The following MERTK variants were observed in gnomAD, a reference collection of about 807,000 sequenced individuals.
MERTK encodes MER proto-oncogene, tyrosine kinase, also known as tyrosine-protein kinase Mer.
In MERTK, 69 loss-of-function variants were observed where a neutral mutation model predicts 99.3. That is an observed-to-expected ratio of 0.70 (90% CI 0.57 to 0.85). The LOEUF is 0.85. Among genes scored for constraint, MERTK ranks in the 40% least tolerant of loss-of-function variants. MERTK has a pLI of 0.00. For missense variants in MERTK, 1,125 were observed against 1,249.4 expected (o/e 0.90, Z 1.50); for synonymous variants, 426 against 467.6 (o/e 0.91, Z 1.15).
intron 7 of MERTK, among the ~76,000 whole-genome samples, chr2:111,976,601 CAT>C (rs1402211652): frequency 5.3e-5 from 8 of 150,102 alleles, no homozygotes; most frequent in African/African-American, 1.5e-4. Context: ...CATATACACA[CAT>C]ATATACACAT....
chr2:111,954,873 G>A (rs987086167), intron 4 of MERTK, among the ~76,000 whole-genome samples: 1 of 152,014 alleles, frequency 6.6e-6, no homozygotes, highest in Non-Finnish European at 1.5e-5. Context: ...TTGTGTCTGC[G>A]TTTTGTAACA....
intron 7 of MERTK, among the ~76,000 whole-genome samples, chr2:111,978,919 C>T (rs2104737451): frequency 6.6e-6 from 1 of 152,280 alleles, no homozygotes; most frequent in East Asian, 1.9e-4. Flanking sequence ...AGGGCTCAGT[C>T]TCAGGTCGGT....
At chr2:111,925,643 G>C (rs1311688443) in intron 1 of MERTK, among the ~76,000 whole-genome samples, 1 of 150,708 alleles carries the variant, frequency 6.6e-6, no homozygotes. Flanking sequence ...AGTGATTTCA[G>C]GGTAGGTTTC....
chr2:111,963,623 A>T (rs1427274246), intron 4 of MERTK, among the ~76,000 whole-genome samples: 10 of 152,194 alleles, frequency 6.6e-5, no homozygotes, highest in African/African-American at 2.4e-4. Context: ...CACAGCCCTT[A>T]ATCCATTTAA....
intron 1 of MERTK, among the ~76,000 whole-genome samples, chr2:111,906,998 C>T (rs1364322574): frequency 4.0e-5 from 6 of 151,856 alleles, no homozygotes; most frequent in African/African-American, 1.2e-4. Context: ...TCTCCCATGC[C>T]GTTTGGGACA....
chr2:111,975,456 C>T lies in MERTK; in HGVS notation c.1128C>T (p.Ala376=), dbSNP rs1676227728. The T allele has an allele frequency of 6.2e-7, 1 of 1,614,108 alleles. No homozygotes were observed. Among genetic ancestry groups the T allele is most frequent in the Non-Finnish European group, 8.5e-7 (1 of 1,180,010 alleles). Residue 376 remains alanine (A), a synonymous_variant, in exon 7 of 19, where the codon GCC becomes GCT. Coordinates refer to ENST00000295408, the MANE Select transcript of MERTK (RefSeq NM_006343.3). ...CTGCAGTGAGCCCTTGGATTCTAGC[C>T]AGCACGACTGAAGGAGGTAATTCCT... is the stretch of plus-strand genomic sequence containing the variant. The part of the protein sequence containing the change: ...GWSAVSPWIL[A]STTEGAPSVA...
chr2:112,000,802 G>C (rs905572164), intron 10 of MERTK, among the ~76,000 whole-genome samples: 2 of 152,110 alleles, frequency 1.3e-5, no homozygotes, highest in Non-Finnish European at 2.9e-5. Flanking sequence ...CCCCTTACTA[G>C]CTACATAAAA....
chr2:111,951,907 T>C (rs1387621263), intron 4 of MERTK, among the ~76,000 whole-genome samples: 1 of 152,178 alleles, frequency 6.6e-6, no homozygotes, highest in Non-Finnish European at 1.5e-5. Context: ...TAGATTTTTG[T>C]ATGTTTTATA....
At chr2:111,907,748 T>C (rs1174807549) in intron 1 of MERTK, among the ~76,000 whole-genome samples, 1 of 152,270 alleles carries the variant, frequency 6.6e-6, no homozygotes, top group African/African-American at 2.4e-5. Flanking sequence ...ATTATGTCAT[T>C]TTATAATTGG....
chr2:112,008,270 A>G, intron 13 of MERTK, 113 bp from the exon 14 acceptor site: 1 of 776,798 alleles, frequency 1.3e-6, no homozygotes, highest in South Asian at 1.5e-5. Context: ...TCCTGTCTCT[A>G]TACTTTCATC....
At chr2:111,978,379 A>G (rs1392295425) in intron 7 of MERTK, among the ~76,000 whole-genome samples, 1 of 151,626 alleles carries the variant, frequency 6.6e-6, no homozygotes, top group Non-Finnish European at 1.5e-5. Flanking sequence ...TCCTGACTTA[A>G]GGTGATCTGC....
intron 4 of MERTK, among the ~76,000 whole-genome samples, chr2:111,958,837 A>T (rs144537156): frequency 2.2e-3 from 338 of 152,240 alleles, no homozygotes; most frequent in Non-Finnish European, 4.0e-3. Flanking sequence ...CTATAACTGG[A>T]TAATGGATCT....
intron 2 of MERTK, among the ~76,000 whole-genome samples, chr2:111,932,242 C>A (rs1020828899): frequency 6.6e-6 from 1 of 152,094 alleles, no homozygotes; most frequent in Admixed American, 6.5e-5. Flanking sequence ...AGTGCAGTGG[C>A]GCGACCTCGG....
At chr2:111,979,923 C>G (rs1267577743) in intron 7 of MERTK, among the ~76,000 whole-genome samples, 5 of 152,168 alleles carry the variant, frequency 3.3e-5, no homozygotes, top group South Asian at 2.1e-4. Flanking sequence ...AGTGGGGAGG[C>G]TTCGCCAGAC....
At chr2:111,966,131 G>C (rs1436694365) in intron 5 of MERTK, among the ~76,000 whole-genome samples, 1 of 152,156 alleles carries the variant, frequency 6.6e-6, no homozygotes, top group Non-Finnish European at 1.5e-5. Flanking sequence ...TTTAATCATA[G>C]TTTAAATATT....
At chr2:111,942,750 A>G (rs1684888070) in intron 2 of MERTK, among the ~76,000 whole-genome samples, 1 of 152,148 alleles carries the variant, frequency 6.6e-6, no homozygotes, top group South Asian at 2.1e-4. Flanking sequence ...AGTCAAAGGG[A>G]AGCCACTCAG....
Position 112,029,370 on chromosome 2 carries a change from A to C in MERTK, c.*506A>C. On this transcript the variant is annotated 3_prime_UTR_variant, in exon 19 of 19. Coordinates refer to ENST00000295408, the MANE Select transcript of MERTK (RefSeq NM_006343.3). The stretch of plus-strand genomic sequence containing the variant: ...CCTAATAAAATATGAATAAGGAAGG[A>C]TATGTTGAACTTACTTGAGACTTGA... 1.1e-6 allele frequency: 1 copy of C among 938,432 alleles called. No individual in the cohort carries two copies. The highest frequency in any genetic ancestry group is 1.3e-6 in the Non-Finnish European group (1 of 786,278). The allele number at this position is 938,432 out of a possible 1,614,324, so 58.1% of individuals were successfully genotyped here.
At chr2:111,939,900 C>T (rs1302031065) in intron 2 of MERTK, among the ~76,000 whole-genome samples, 2 of 151,954 alleles carry the variant, frequency 1.3e-5, no homozygotes, top group Non-Finnish European at 2.9e-5. Context: ...TATGCATCTC[C>T]TCACACCACA....
chr2:111,952,149 T>C (rs2104709051), intron 4 of MERTK: 1 of 151,544 alleles, frequency 6.6e-6, no homozygotes, highest in Non-Finnish European at 1.5e-5. Flanking sequence ...TTTTTAAAAT[T>C]TGAAGCTTTT....
Sources: gnomAD v4.1 joint callset for allele counts (sites outside exome capture counted in the v4.1 genomes callset) on GRCh38, gnomAD v4.1.1 for gene constraint, MANE v1.5 for transcripts, NCBI Gene and HGNC (gene_info 2026-07-23, HGNC 2026-07-21) for gene names.